TEX36: variants seen among roughly 807,000 people sequenced by gnomAD.
TEX36 encodes the protein testis expressed 36.
Under a neutral mutation model 13.6 loss-of-function variants are expected in TEX36, and 12 were observed. The ratio of observed to expected loss-of-function variants is 0.88; its 90% CI spans 0.56 to 1.43. The LOEUF (loss-of-function observed/expected upper bound fraction) is 1.43. Among genes scored for constraint, TEX36 ranks in the 40% most tolerant of loss-of-function variants. The pLI is 0.00. For synonymous variants in TEX36, 93 were observed against 83.0 expected (o/e 1.12, Z -0.65); for missense variants, 224 against 228.3 (o/e 0.98, Z 0.12).
Position 125,661,877 on chromosome 10 carries a change from T to A in TEX36, c.152A>T (p.Lys51Met). The A allele has an allele frequency of 6.4e-7, 1 of 1,552,052 alleles. No homozygotes were observed. The highest frequency in any genetic ancestry group is 2.4e-5 in the East Asian group (1 of 40,920). ...SPHLPRQAEG[K>M]LPPIYKVREK... ...CCGGACTTTGTATATGGGCGGCAGC[T>A]TCCCCTCCGCTTGCCGAGGCAAGTG... Residue 51 changes from lysine (K) to methionine (M), a missense_variant, in exon 2 of 4, where the codon AAG (lysine) becomes ATG (methionine). Physicochemically the swap from Lys to Met is moderately conservative, Grantham distance 95 (BLOSUM62 -1). Coordinates refer to ENST00000368821, the MANE Select transcript of TEX36 (RefSeq NM_001128202.3).
chr10:125,576,532 C>G (rs1845826768), exon 4 of TEX36: 1 of 592,934 alleles, frequency 1.7e-6, no homozygotes, highest in Non-Finnish European at 2.9e-6. Context: ...TTCTTCCTGC[C>G]AGGGAGATAG....
intron 3 of TEX36, among the ~76,000 whole-genome samples, chr10:125,647,109 G>T (rs981707031): frequency 1.1e-4 from 16 of 152,120 alleles, no homozygotes; most frequent in African/African-American, 3.6e-4. Flanking sequence ...CTGAAGTTTA[G>T]AAAATCCATT....
rs1415384375 is a variant in TEX36 at position 125,655,979 on chromosome 10, C to T, written c.482G>A (p.Ser161Asn). 2 of 1,551,706 alleles carry T rather than the reference C, an allele frequency of 1.3e-6. No homozygotes were observed. The highest frequency in any genetic ancestry group is 1.7e-6 in the Non-Finnish European group (2 of 1,146,972). The part of the protein sequence containing the change: ...WNAFTFLPER[S>N]YTEVLKKKPK... Reference sequence around the variant, plus strand: ...CTTCTTTTTCAAAACCTCTGTATAGCTTCTCTCAGGAAGAAATGTAAAAGC... The same window carrying T: ...CTTCTTTTTCAAAACCTCTGTATAGTTTCTCTCAGGAAGAAATGTAAAAGC... Residue 161 changes from serine (S) to asparagine (N), a missense_variant, in exon 4 of 4, where the codon AGC becomes AAC. Coordinates refer to ENST00000368821, the MANE Select transcript of TEX36 (RefSeq NM_001128202.3).
chr10:125,661,789 G>C, intron 2 of TEX36, 57 bp downstream of exon 2: 2 of 1,538,016 alleles, frequency 1.3e-6, no homozygotes, highest in East Asian at 2.5e-5. Context: ...TGCCAGCGGC[G>C]CTGCCCCCTG....
intron 1 of TEX36, 137 bp from the exon 2 acceptor site, chr10:125,662,114 T>C (rs1847055104): frequency 8.3e-7 from 1 of 1,198,724 alleles, no homozygotes; most frequent in Non-Finnish European, 1.1e-6. Flanking sequence ...ATAATTTTTG[T>C]AATTTTCAAG....
chr10:125,657,618 T>C (rs1846969552), intron 3 of TEX36, among the ~76,000 whole-genome samples: 3 of 152,160 alleles, frequency 2.0e-5, no homozygotes, highest in Admixed American at 6.5e-5. Context: ...TACTGAATTG[T>C]ACAAATTCAC....
chr10:125,598,520 T>A (rs1331175810), intron 3 of TEX36, among the ~76,000 whole-genome samples: 1 of 152,026 alleles, frequency 6.6e-6, no homozygotes, highest in East Asian at 1.9e-4. Context: ...CAAGGCCACC[T>A]CTCCCCAAAC....
chr10:125,661,943 T>G lies in TEX36; in HGVS notation c.86A>C (p.Glu29Ala). Residue 29 changes from glutamate (E) to alanine (A), a missense_variant, in exon 2 of 4, where the codon GAA becomes GCA. Transcript: ENST00000368821. ...TTTTGACGTAGCACTGGTGATGGAT[T>G]CTGGTGTCTTTTGCGTTAGCCCGAT... ...PHIGLTQKTP[E>A]SITSATSKEP... is the part of the protein sequence containing the mutation. 6.4e-7 allele frequency: 1 copy of G among 1,552,306 alleles called. No individual in the cohort carries two copies. Among genetic ancestry groups the G allele is most frequent in the Non-Finnish European group, 8.7e-7 (1 of 1,147,118 alleles).
chr10:125,617,473 G>A (rs1846374638), downstream of TEX36, among the ~76,000 whole-genome samples: 1 of 152,130 alleles, frequency 6.6e-6, no homozygotes, highest in Non-Finnish European at 1.5e-5. Context: ...CTCTTTTAGG[G>A]CAGGCCTGGT....
intron 3 of TEX36, among the ~76,000 whole-genome samples, chr10:125,634,735 G>T (rs1846602341): frequency 6.6e-6 from 1 of 152,186 alleles, no homozygotes; most frequent in Non-Finnish European, 1.5e-5. Context: ...GCCCAGATCT[G>T]CAAACAATGG....
At chr10:125,632,263 C>T (rs565845368) in intron 3 of TEX36, among the ~76,000 whole-genome samples, 1 of 152,084 alleles carries the variant, frequency 6.6e-6, no homozygotes. Context: ...AGTTGATGTG[C>T]TCGTGAGACG....
intron 3 of TEX36, chr10:125,578,288 A>G (rs904324228): frequency 5.9e-5 from 9 of 152,224 alleles, no homozygotes; most frequent in Admixed American, 4.6e-4. Flanking sequence ...CTTAATTGAA[A>G]TTCACGTCAA....
intron 3 of TEX36, among the ~76,000 whole-genome samples, chr10:125,634,029 C>T (rs1324265101): frequency 6.6e-6 from 1 of 152,030 alleles, no homozygotes; most frequent in Non-Finnish European, 1.5e-5. Flanking sequence ...CAAAAAAAAA[C>T]TTACTTTTTT....
chr10:125,629,570 A>G (rs1846527661), intron 3 of TEX36, among the ~76,000 whole-genome samples: 1 of 152,126 alleles, frequency 6.6e-6, no homozygotes, highest in Admixed American at 6.5e-5. Flanking sequence ...TAAAGTCAGG[A>G]AATGTTTATC....
intron 3 of TEX36, among the ~76,000 whole-genome samples, chr10:125,609,571 C>T (rs748684939): frequency 2.0e-5 from 3 of 152,310 alleles, no homozygotes; most frequent in South Asian, 4.1e-4. Flanking sequence ...TTAATTCCTA[C>T]GGCAACTTTG....
rs1847422699 is a variant in TEX36 at position 125,683,073 on chromosome 10, C to T, written c.-84G>A. The T allele has an allele frequency of 2.1e-6, 3 of 1,432,262 alleles. No homozygotes were observed. Among genetic ancestry groups the T allele is most frequent in the African/African-American group, 1.4e-5 (1 of 70,438 alleles). 88.7% of individuals were successfully genotyped at this position (1,432,262 alleles called of 1,614,324 possible). A position where few individuals can be genotyped will look rare whatever the true frequency, so the allele number is the denominator to read the frequency against. On this transcript the variant is annotated 5_prime_UTR_variant, in exon 1 of 4. Coordinates refer to ENST00000368821, the MANE Select transcript of TEX36 (RefSeq NM_001128202.3). ...CATGTCTGGGAAGCTGCTTCCTAAA[C>T]TTCATAAGCTCTACACGTCTGGGAA...
intron 3 of TEX36, among the ~76,000 whole-genome samples, chr10:125,600,106 C>A (rs1176699199): frequency 6.6e-6 from 1 of 152,222 alleles, no homozygotes; most frequent in Non-Finnish European, 1.5e-5. Flanking sequence ...TGGGTCCCTG[C>A]CCAGAGCAGA....
chr10:125,603,205 T>C (rs1265912480), intron 3 of TEX36, among the ~76,000 whole-genome samples: 2 of 152,146 alleles, frequency 1.3e-5, no homozygotes, highest in Non-Finnish European at 2.9e-5. Flanking sequence ...ACCACCCCTC[T>C]CCATGGCCCC....
At chr10:125,656,991 A>G (rs1011988091) in intron 3 of TEX36, among the ~76,000 whole-genome samples, 3 of 151,936 alleles carry the variant, frequency 2.0e-5, no homozygotes, top group African/African-American at 7.2e-5. Context: ...CAGCACCTTT[A>G]GGTCCTGGCC....
Sources: allele counts gnomAD v4.1 joint callset (sites outside exome capture counted in the v4.1 genomes callset), GRCh38; gene constraint gnomAD v4.1.1; transcripts MANE v1.5; gene names NCBI Gene and HGNC (gene_info 2026-07-23, HGNC 2026-07-21).